Variants in MYO1E observed in about 807,000 individuals in gnomAD.
The protein encoded by MYO1E is unconventional myosin-Ie.
In MYO1E, 68 loss-of-function variants were observed where a neutral mutation model predicts 151.1. That is an observed-to-expected ratio of 0.45 (90% CI 0.37 to 0.55). The LOEUF is 0.55. MYO1E is among the 20% of genes least tolerant of loss of function. The pLI is 0.00. For missense variants in MYO1E, 1,363 were observed against 1,389.3 expected, an observed-to-expected ratio of 0.98 and a Z score of 0.30; for synonymous variants, 601 against 501.7, an observed-to-expected ratio of 1.20 and a Z score of -2.64.
chr15:59,161,566 C>G (rs1384666626), intron 23 of MYO1E, among the ~76,000 whole-genome samples: 1 of 152,184 alleles, frequency 6.6e-6, no homozygotes, highest in Non-Finnish European at 1.5e-5. Flanking sequence ...ATTTCCAGGT[C>G]ATACCGCTGT....
intron 4 of MYO1E, among the ~76,000 whole-genome samples, chr15:59,241,493 A>T (rs2080099398): frequency 6.6e-6 from 1 of 152,174 alleles, no homozygotes; most frequent in Admixed American, 6.6e-5. Context: ...GGAGTTCAAG[A>T]GCAGCAAGAG....
At chr15:59,157,452 C>G (rs1044366761) in intron 25 of MYO1E, among the ~76,000 whole-genome samples, 16 of 152,128 alleles carry the variant, frequency 1.1e-4, no homozygotes, top group Non-Finnish European at 1.8e-4. Context: ...TACCCATGGT[C>G]AACTGTGGCC....
At chr15:59,203,975 G>A (rs1459468596) in intron 15 of MYO1E, among the ~76,000 whole-genome samples, 2 of 152,194 alleles carry the variant, frequency 1.3e-5, no homozygotes, top group Non-Finnish European at 2.9e-5. Flanking sequence ...TACAACTACA[G>A]ATTTTGACAT....
At chr15:59,227,798 A>G (rs1235014638) in intron 6 of MYO1E, among the ~76,000 whole-genome samples, 2 of 152,226 alleles carry the variant, frequency 1.3e-5, no homozygotes, top group Non-Finnish European at 2.9e-5. Flanking sequence ...TAGAGAGAGC[A>G]CCTATCATTC....
At chr15:59,252,026 G>A (rs1172515262) in intron 4 of MYO1E, among the ~76,000 whole-genome samples, 1 of 152,134 alleles carries the variant, frequency 6.6e-6, no homozygotes, top group Non-Finnish European at 1.5e-5. Flanking sequence ...ACAATGCAAT[G>A]CAAATAATTG....
At chr15:59,168,257 G>C (rs2079573017) in intron 22 of MYO1E, among the ~76,000 whole-genome samples, 1 of 152,026 alleles carries the variant, frequency 6.6e-6, no homozygotes. Flanking sequence ...AAACAAGTAG[G>C]ATAGTAGGGC....
intron 26 of MYO1E, among the ~76,000 whole-genome samples, chr15:59,146,061 C>T (rs1355947180): frequency 2.6e-5 from 4 of 152,138 alleles, no homozygotes; most frequent in Admixed American, 1.3e-4. Flanking sequence ...GCTATGATGC[C>T]CAGGCTGGGG....
intron 16 of MYO1E, among the ~76,000 whole-genome samples, chr15:59,198,132 CT>C (rs1158930105): frequency 2.0e-5 from 3 of 152,342 alleles, no homozygotes; most frequent in South Asian, 2.1e-4. Context: ...TCCCAGAGTG[CT>C]GAGATTACAG....
Position 59,372,509 on chromosome 15 carries a change from G to T in MYO1E, c.-9C>A, listed in dbSNP as rs1143656. The T allele has an allele frequency of 6.5e-4, 1,006 of 1,536,394 alleles. 8 individuals carry two copies. The African/African-American group carries it at 0.012, about 18-fold the overall frequency. ...CGCGGCCAACTCACCATGGTGACTCGCGCCGCGGTCGCGTCTTCGCCGGGT... is the reference window on the plus strand; with the variant it reads ...CGCGGCCAACTCACCATGGTGACTCTCGCCGCGGTCGCGTCTTCGCCGGGT... On this transcript the variant is annotated 5_prime_UTR_variant, in exon 1 of 28. Transcript: ENST00000288235.
At chr15:59,366,605 C>T (rs2080915161) in intron 1 of MYO1E, among the ~76,000 whole-genome samples, 1 of 152,150 alleles carries the variant, frequency 6.6e-6, no homozygotes, top group Admixed American at 6.5e-5. Flanking sequence ...GGCGGGCCAA[C>T]TTCATTCACA....
chr15:59,163,938 C>T (rs2079551194), intron 22 of MYO1E, among the ~76,000 whole-genome samples: 1 of 152,204 alleles, frequency 6.6e-6, no homozygotes, highest in Non-Finnish European at 1.5e-5. Flanking sequence ...AAAATCATCA[C>T]CTTCAAGCTA....
intron 10 of MYO1E, among the ~76,000 whole-genome samples, chr15:59,215,389 A>G (rs1259731400): frequency 6.6e-6 from 1 of 152,192 alleles, no homozygotes; most frequent in African/African-American, 2.4e-5. Flanking sequence ...ACATGGATAC[A>G]CCAAGGCTTG....
chr15:59,352,048 A>T (rs1248220179), intron 1 of MYO1E, among the ~76,000 whole-genome samples: 1 of 152,180 alleles, frequency 6.6e-6, no homozygotes, highest in Non-Finnish European at 1.5e-5. Context: ...AATGGGAGAA[A>T]GTATAGCATG....
At chr15:59,231,868 A>G (rs1185600515) in intron 5 of MYO1E, 77 bp from the exon 6 acceptor site, 1 of 1,498,256 alleles carries the variant, frequency 6.7e-7, no homozygotes, top group East Asian at 2.3e-5. Flanking sequence ...TTCTCTAAGG[A>G]CCTGGTTTCT....
chr15:59,165,411 T>A (rs548999431), intron 22 of MYO1E, among the ~76,000 whole-genome samples: 4 of 152,288 alleles, frequency 2.6e-5, no homozygotes, highest in African/African-American at 9.6e-5. Flanking sequence ...TTTGGACAAA[T>A]AATAGCCATT....
At position 59,217,902 on chromosome 15, in the gene MYO1E, A is replaced by G. The variant is rs750597772; in HGVS notation, c.1096T>C (p.Phe366Leu). ...CTTCTGTTACTTACATCTACCAAGA[A>G]ATCAAAGACCCGGGCGTGCAGGGCC... is the stretch of plus-strand genomic sequence containing the variant. ...AKALHARVFD[F>L]LVDSINKAME... The change falls in exon 10 of 28, where the codon TTC becomes CTC. Residue 366 changes from phenylalanine (F) to leucine (L), a missense_variant. Physicochemically the swap from Phe to Leu is conservative, Grantham distance 22. Coordinates refer to ENST00000288235, the MANE Select transcript of MYO1E (RefSeq NM_004998.4). The G allele has an allele frequency of 1.2e-6, 2 of 1,614,114 alleles. No individual in the cohort carries two copies. The highest frequency in any genetic ancestry group is 2.2e-5 in the South Asian group (2 of 91,084).
intron 14 of MYO1E, chr15:59,206,880 C>T: frequency 6.5e-7 from 1 of 1,529,292 alleles, no homozygotes; most frequent in East Asian, 2.3e-5. Context: ...CTCTTGGCGT[C>T]TCAACGTTCG....
chr15:59,160,336 CGTGTGTGTGTGTGTGTGTGTGTGTGT>C (rs55633634), intron 24 of MYO1E, among the ~76,000 whole-genome samples: 5 of 120,082 alleles, frequency 4.2e-5, no homozygotes, highest in East Asian at 2.5e-4. Context: ...TGAGGTAGTG[CGTGTGTGTGTGTGTGTGTGTGTGTGT>C]GTGTGTGTGT....
chr15:59,303,973 C>T (rs1295279113), intron 1 of MYO1E, among the ~76,000 whole-genome samples: 1 of 146,106 alleles, frequency 6.8e-6, no homozygotes, highest in Non-Finnish European at 1.5e-5. Flanking sequence ...TTTTCATTTT[C>T]TTTTCTTTCT....
Sources: gnomAD v4.1 joint callset for allele counts (sites outside exome capture counted in the v4.1 genomes callset) on GRCh38, gnomAD v4.1.1 for gene constraint, MANE v1.5 for transcripts, NCBI Gene and HGNC (gene_info 2026-07-23, HGNC 2026-07-21) for gene names.